Variants in SH3KBP1 observed in about 807,000 individuals in gnomAD.
SH3KBP1 encodes the protein SH3 domain containing kinase binding protein 1.
SH3KBP1 carries 8 observed loss-of-function variants against 50.1 expected under a neutral mutation model. That is an observed-to-expected ratio of 0.16 (90% CI 0.09 to 0.29). The LOEUF (loss-of-function observed/expected upper bound fraction) is 0.29, where lower values mean the gene tolerates loss of function less well. SH3KBP1 is among the 10% of genes least tolerant of loss of function. SH3KBP1 has a pLI of 1.00. For missense variants in SH3KBP1, 377 were observed against 535.2 expected, an observed-to-expected ratio of 0.70 and a Z score of 2.92; for synonymous variants, 227 against 218.6, an observed-to-expected ratio of 1.04 and a Z score of -0.34.
At chrX:19,539,069 T>C (rs2064807144) in intron 16 of SH3KBP1, among the ~76,000 whole-genome samples, 1 of 112,017 alleles carries the variant, frequency 8.9e-6, no homozygotes, top group African/African-American at 3.2e-5. Context: ...CTAATGCCCT[T>C]TCCAACATTA....
chrX:19,772,288 G>A (rs768884854), intron 2 of SH3KBP1, among the ~76,000 whole-genome samples: 1 of 111,278 alleles, frequency 9.0e-6, no homozygotes, highest in South Asian at 3.8e-4. Context: ...GCGCTGTTAG[G>A]GGAAATCCAC....
intron 1 of SH3KBP1, among the ~76,000 whole-genome samples, chrX:19,838,299 C>A (rs1363191590): frequency 8.9e-6 from 1 of 112,387 alleles, no homozygotes; most frequent in African/African-American, 3.2e-5. Context: ...GGGCAGGAAG[C>A]AGCCAGAGGG....
intron 2 of SH3KBP1, among the ~76,000 whole-genome samples, chrX:19,787,363 A>G (rs1385468167): frequency 1.8e-5 from 2 of 112,333 alleles, no homozygotes; most frequent in Non-Finnish European, 3.8e-5. Flanking sequence ...CTGATAATTA[A>G]CTAGCATTAG....
At chrX:19,625,576 A>T (rs1225204391) in intron 8 of SH3KBP1, among the ~76,000 whole-genome samples, 1 of 112,018 alleles carries the variant, frequency 8.9e-6, no homozygotes, top group African/African-American at 3.2e-5. Context: ...TGATCCAGAA[A>T]CCACCACAGT....
At chrX:19,544,058 A>G (rs888112055) in intron 15 of SH3KBP1, among the ~76,000 whole-genome samples, 26 of 110,880 alleles carry the variant, frequency 2.3e-4, no homozygotes, top group African/African-American at 8.5e-4. Context: ...CAGGAGCCAA[A>G]AGGGGCTTGG....
At chrX:19,764,014 CAAA>C (rs761696272) in intron 2 of SH3KBP1, among the ~76,000 whole-genome samples, 1 of 37,523 alleles carries the variant, frequency 2.7e-5, no homozygotes, top group African/African-American at 9.5e-5. Flanking sequence ...GACTCTGTCT[CAAA>C]AAAAAAAAAA....
intron 5 of SH3KBP1, chrX:19,694,975 C>T (rs777568141): frequency 9.7e-5 from 114 of 1,179,081 alleles, no homozygotes; most frequent in Non-Finnish European, 1.2e-4. Context: ...ACTGGGAGAA[C>T]GAAGTTTCCC....
At chrX:19,768,359 A>C (rs2065683565) in intron 2 of SH3KBP1, among the ~76,000 whole-genome samples, 1 of 105,667 alleles carries the variant, frequency 9.5e-6, no homozygotes, top group African/African-American at 3.5e-5. Flanking sequence ...GGTTCAGCCC[A>C]AGTTAATCGG....
intron 13 of SH3KBP1, among the ~76,000 whole-genome samples, chrX:19,562,952 T>C (rs2065728278): frequency 8.9e-6 from 1 of 112,320 alleles, no homozygotes; most frequent in Non-Finnish European, 1.9e-5. Context: ...TTCTGCAACA[T>C]TTGCCATCAT....
intron 3 of SH3KBP1, among the ~76,000 whole-genome samples, chrX:19,718,111 A>G (rs2063957752): frequency 9.4e-6 from 1 of 106,129 alleles, no homozygotes; most frequent in Non-Finnish European, 1.9e-5. Context: ...ATCACGTAAT[A>G]TGTATACTAT....
chrX:19,782,547 C>T lies in SH3KBP1; in HGVS notation c.163-36106G>A, dbSNP rs760555355. 3.6e-5 allele frequency among the ~76,000 whole-genome samples: 4 copies of T among 111,592 alleles called. No individual in the cohort carries two copies. The South Asian group carries it at 1.5e-3, about 43-fold the overall frequency. On this transcript the variant is annotated intron_variant, in intron 2 of 17. Transcript: ENST00000397821. ...GTGAGCAGAGGAGAGGAAAGGAAGG[C>T]TTTGTACGCACACACCAAAACAGAG...
At chrX:19,612,554 C>T (rs773228400) in intron 8 of SH3KBP1, among the ~76,000 whole-genome samples, 5 of 112,090 alleles carry the variant, frequency 4.5e-5, no homozygotes, top group Non-Finnish European at 9.4e-5. Flanking sequence ...GCGTGAGCCA[C>T]AGCGCCTGGC....
At chrX:19,803,582 G>A (rs1337195740) in intron 2 of SH3KBP1, among the ~76,000 whole-genome samples, 6 of 111,412 alleles carry the variant, frequency 5.4e-5, no homozygotes, top group Non-Finnish European at 1.9e-5. Context: ...GAAACACTTG[G>A]TTTTAAAGAA....
chrX:19,667,930 C>T (rs2062648003), intron 6 of SH3KBP1, among the ~76,000 whole-genome samples: 1 of 105,388 alleles, frequency 9.5e-6, no homozygotes, highest in South Asian at 4.2e-4. Flanking sequence ...AAAATTCAGC[C>T]TAAGGAAATA....
intron 2 of SH3KBP1, among the ~76,000 whole-genome samples, chrX:19,772,579 C>T (rs1237857775): frequency 9.0e-6 from 1 of 111,226 alleles, no homozygotes; most frequent in Non-Finnish European, 1.9e-5. Context: ...TCCGTTCCAA[C>T]ATTGAACATG....
intron 13 of SH3KBP1, among the ~76,000 whole-genome samples, chrX:19,558,764 A>G (rs2147747171): frequency 8.9e-6 from 1 of 112,266 alleles, no homozygotes; most frequent in African/African-American, 3.2e-5. Flanking sequence ...AGTTCTCATT[A>G]CATTATTATT....
intron 4 of SH3KBP1, among the ~76,000 whole-genome samples, chrX:19,704,785 C>G (rs1433604156): frequency 1.8e-5 from 2 of 112,322 alleles, no homozygotes; most frequent in African/African-American, 6.5e-5. Flanking sequence ...AAATACATAT[C>G]TAAAAACCTC....
chrX:19,887,243 C>G (rs2069620710), intron 1 of SH3KBP1, 64 bp downstream of exon 1: 4 of 943,157 alleles, frequency 4.2e-6, no homozygotes, highest in Non-Finnish European at 5.3e-6. Flanking sequence ...CTCCGCGGTT[C>G]TGGGACTGGC....
At chrX:19,566,271 C>T (rs931938744) in intron 13 of SH3KBP1, among the ~76,000 whole-genome samples, 1 of 110,362 alleles carries the variant, frequency 9.1e-6, no homozygotes, top group African/African-American at 3.3e-5. Context: ...TGCTTAGTTT[C>T]CACAGCATGA....
Sources: allele counts gnomAD v4.1 joint callset (sites outside exome capture counted in the v4.1 genomes callset), GRCh38; gene constraint gnomAD v4.1.1; transcripts MANE v1.5; gene names NCBI Gene and HGNC (gene_info 2026-07-23, HGNC 2026-07-21).